Variants in QRICH2 observed in about 807,000 individuals in gnomAD.
The protein encoded by QRICH2 is glutamine-rich protein 2.
In QRICH2, 119 loss-of-function variants were observed where a neutral mutation model predicts 168.3. The ratio of observed to expected loss-of-function variants is 0.71; its 90% CI spans 0.61 to 0.82. The LOEUF is 0.82. Among genes scored for constraint, QRICH2 ranks in the 40% least tolerant of loss-of-function variants. The pLI is 0.00. For synonymous variants in QRICH2, 894 were observed against 951.2 expected (o/e 0.94, Z 1.11); for missense variants, 2,241 against 2,491.6 (o/e 0.90, Z 2.14).
In QRICH2 at chr17:76,292,876, C is replaced by T. The variant is rs1349136564; in HGVS notation, c.1851G>A (p.Gln617=). The T allele has an allele frequency of 1.2e-6, 2 of 1,602,530 alleles. No homozygotes were observed. Among genetic ancestry groups the T allele is most frequent in the African/African-American group, 3.0e-5 (2 of 65,708 alleles). Residue 617 remains glutamine (Q), a synonymous_variant, in exon 4 of 19, where the codon CAG becomes CAA. Coordinates refer to ENST00000680821, the MANE Select transcript of QRICH2 (RefSeq NM_001388453.1). ...QSGLAQPGAD[Q]RGLVWPGMDQ... is the part of the protein sequence containing the mutation. The stretch of plus-strand genomic sequence containing the variant: ...CCATTCCAGGCCAGACCAAACCACG[C>T]TGATCTGCACCAGGTTGGGCCAAAC...
In QRICH2 at chr17:76,284,058, C is replaced by T. The variant is rs1157212118; in HGVS notation, c.4012-1943G>A. Among the ~76,000 whole-genome samples, 3 of 138,564 alleles carry T rather than the reference C, an allele frequency of 2.2e-5. No individual in the cohort carries two copies. In the East Asian group the frequency reaches 5.9e-4, roughly 27 times the overall value. The allele number at this position is 138,564 out of a possible 152,430, so 90.9% of individuals were successfully genotyped here. ...CGGTGTGCACCTGTAGTCCCAGCTA[C>T]CCAGGAGTCTGAGATAGGAGAATCA... On this transcript the variant is annotated intron_variant, in intron 7 of 18. Transcript: ENST00000680821.
chr17:76,287,507 AAG>A (rs1162583501), intron 6 of QRICH2, among the ~76,000 whole-genome samples: 1 of 152,094 alleles, frequency 6.6e-6, no homozygotes, highest in Non-Finnish European at 1.5e-5. Flanking sequence ...GGGCACTGCA[AAG>A]AGAGAGCTCA....
intron 7 of QRICH2, among the ~76,000 whole-genome samples, chr17:76,283,229 C>T (rs2070821277): frequency 6.6e-6 from 1 of 152,158 alleles, no homozygotes; most frequent in Non-Finnish European, 1.5e-5. Context: ...GAAGAGGCCT[C>T]CTAGAAAAAT....
intron 3 of QRICH2, among the ~76,000 whole-genome samples, chr17:76,294,630 T>C (rs2070765337): frequency 6.6e-6 from 1 of 151,530 alleles, no homozygotes; most frequent in Non-Finnish European, 1.5e-5. Flanking sequence ...CTGGCCAACA[T>C]GGCAAAACCC....
Position 76,304,869 on chromosome 17 carries a change from T to C in QRICH2, c.594+13A>G. 6.3e-7 allele frequency: 1 copy of C among 1,596,726 alleles called. No homozygotes were observed. The highest frequency in any genetic ancestry group is 8.6e-7 in the Non-Finnish European group (1 of 1,164,172). On this transcript the variant is annotated intron_variant, in intron 2 of 18. Coordinates refer to ENST00000680821, the MANE Select transcript of QRICH2 (RefSeq NM_001388453.1). Reference sequence around the variant, plus strand: ...CCTGGAGAGCCCTTTCCCATGGAACTGGCTGGTATTACCAGGAATTGCTCC... The same window carrying C: ...CCTGGAGAGCCCTTTCCCATGGAACCGGCTGGTATTACCAGGAATTGCTCC...
chr17:76,306,198 A>G (rs1460933393), intron 1 of QRICH2, among the ~76,000 whole-genome samples: 1 of 150,530 alleles, frequency 6.6e-6, no homozygotes, highest in Non-Finnish European at 1.5e-5. Context: ...AAAAAACCCA[A>G]AAAAATTAAA....
intron 7 of QRICH2, among the ~76,000 whole-genome samples, chr17:76,284,707 G>T (rs941122101): frequency 4.6e-5 from 7 of 151,424 alleles, no homozygotes; most frequent in Non-Finnish European, 7.4e-5. Context: ...AATCCCAGCT[G>T]CTTGGGAGGC....
rs778066705 is a variant in QRICH2 at position 76,292,875 on chromosome 17, G to A, written c.1852C>T (p.Arg618Cys). Reference protein sequence around the residue: ...SGLAQPGADQRGLVWPGMDQS... With the variant: ...SGLAQPGADQCGLVWPGMDQS... The stretch of plus-strand genomic sequence containing the variant: ...TCCATTCCAGGCCAGACCAAACCAC[G>A]CTGATCTGCACCAGGTTGGGCCAAA... Residue 618 changes from arginine to cysteine, a missense_variant, in exon 4 of 19, where the codon CGT (arginine) becomes TGT (cysteine). Physicochemically the swap from Arg to Cys is radical, Grantham distance 180. This residue lies in a region of QRICH2 where 2,047 missense variants were observed against 2,303.8 expected (regional missense o/e 0.89). Transcript: ENST00000680821. 90 of 1,601,196 alleles carry A rather than the reference G, an allele frequency of 5.6e-5. No homozygotes were observed. Among genetic ancestry groups the A allele is most frequent in the Non-Finnish European group, 7.1e-5 (84 of 1,179,180 alleles).
Position 76,274,101 on chromosome 17 carries a change from G to A in QRICH2, c.5642C>T (p.Pro1881Leu), listed in dbSNP as rs751541665. Reference sequence around the variant, plus strand: ...CGCTCACTGAGCGGTGCTGGACCGCGGCCCCCGCGTGGGCTCCTCGAGCCC... The same window carrying A: ...CGCTCACTGAGCGGTGCTGGACCGCAGCCCCCGCGTGGGCTCCTCGAGCCC... ...GEGLEEPTRGPRSSTAQ is the reference protein window; with the variant it reads ...GEGLEEPTRGLRSSTAQ The change falls in exon 19 of 19, where the codon CCG becomes CTG. Residue 1881 changes from proline to leucine, a missense_variant. By Grantham distance (98) the Pro-to-Leu change is moderately conservative (BLOSUM62 -3). Coordinates refer to ENST00000680821, the MANE Select transcript of QRICH2 (RefSeq NM_001388453.1). The A allele has an allele frequency of 4.1e-5, 64 of 1,579,968 alleles. No individual in the cohort carries two copies. Among genetic ancestry groups the A allele is most frequent in the Middle Eastern group, 3.3e-4 (2 of 5,982 alleles).
At chr17:76,298,686 G>C (rs990326558) in intron 3 of QRICH2, among the ~76,000 whole-genome samples, 1 of 151,564 alleles carries the variant, frequency 6.6e-6, no homozygotes, top group Non-Finnish European at 1.5e-5. Flanking sequence ...CGCGATCTCG[G>C]CTCACTGCAA....
Position 76,292,829 on chromosome 17 carries a change from G to T in QRICH2, c.1898C>A (p.Pro633His). The change falls in exon 4 of 19, where the codon CCT becomes CAT. Residue 633 changes from proline to histidine, a missense_variant. Pro to His is a moderately conservative substitution (Grantham distance 77, BLOSUM62 -2). Around this residue, in one of 3 missense-constraint regions of QRICH2, gnomAD observed 2,047 missense variants for 2,303.8 expected, o/e 0.89. Transcript: ENST00000680821. ...GATCAAACCATGCTGATCTCTACCA[G>T]GTTGGGCCAAACCAGACTGATCCAT... is the stretch of plus-strand genomic sequence containing the variant. ...PGMDQSGLAQ[P>H]GRDQHGLIQP... The T allele has an allele frequency of 6.2e-7, 1 of 1,603,492 alleles. No individual in the cohort carries two copies. Among genetic ancestry groups the T allele is most frequent in the Non-Finnish European group, 8.5e-7 (1 of 1,179,672 alleles).
chr17:76,298,885 G>T (rs547327598), intron 3 of QRICH2, among the ~76,000 whole-genome samples: 9 of 152,266 alleles, frequency 5.9e-5, no homozygotes, highest in Non-Finnish European at 1.3e-4. Flanking sequence ...CAAAGTGCTG[G>T]AATTATAGGT....
chr17:76,307,376 C>T lies in QRICH2; in HGVS notation c.534+89G>A, dbSNP rs1180390822. On this transcript the variant is annotated intron_variant, in intron 1 of 18. Coordinates refer to ENST00000680821, the MANE Select transcript of QRICH2 (RefSeq NM_001388453.1). The surrounding 1 kb of genome is among the most constrained non-coding windows in gnomAD (Gnocchi z 5.3). ...TCCCCTCCGTCCCCACCACCGCTCA[C>T]CCCTCCAGGGTGGTGGGGACTCGGC... 6.3e-6 allele frequency: 9 copies of T among 1,418,184 alleles called. No individual in the cohort carries two copies. The Admixed American group carries it at 1.0e-4, about 16-fold the overall frequency. 87.9% of individuals were successfully genotyped at this position (1,418,184 alleles called of 1,614,324 possible).
At chr17:76,305,012 C>A in intron 1 of QRICH2, 71 bp from the exon 2 acceptor site, 1 of 970,656 alleles carries the variant, frequency 1.0e-6, no homozygotes, top group South Asian at 1.3e-5. Context: ...CACACACACA[C>A]AGATGCGCAC....
At chr17:76,309,820 T>C (rs1439555490), upstream of QRICH2, 1 of 152,234 alleles carries the variant, frequency 6.6e-6, no homozygotes. Flanking sequence ...CACCCATGGA[T>C]TGTAAGGAAT....
chr17:76,277,457 G>T (rs537516383), intron 15 of QRICH2, 147 bp from the exon 16 acceptor site: 1 of 942,364 alleles, frequency 1.1e-6, no homozygotes, highest in South Asian at 1.5e-5. Flanking sequence ...GCCCAGAACA[G>T]GCGGGCGGGG....
chr17:76,277,310 C>T lies in QRICH2; in HGVS notation c.5118G>A (p.Arg1706=). The T allele has an allele frequency of 6.2e-7, 1 of 1,609,398 alleles. No individual in the cohort carries two copies. Among genetic ancestry groups the T allele is most frequent in the East Asian group, 2.3e-5 (1 of 44,336 alleles). ...AGGTGTAATCAGCCATATCTGTCAC[C>T]CTGTGATGAAGACAGGATGGAGTCA... ...AQCLGSPCYK[R]VTDMADYTYS... is the part of the protein sequence containing the mutation. Residue 1706 remains arginine (R), a splice_region_variant and synonymous_variant, in exon 16 of 19, where the codon CGG becomes CGA. Coordinates refer to ENST00000680821, the MANE Select transcript of QRICH2 (RefSeq NM_001388453.1).
At position 76,277,972 on chromosome 17, in the gene QRICH2, G is replaced by A. The variant is rs750562300; in HGVS notation, c.5117+17C>T. 5.0e-6 allele frequency: 8 copies of A among 1,605,066 alleles called. No individual in the cohort carries two copies. The South Asian group carries it at 6.6e-5, about 13-fold the overall frequency. ...ACTGGGTGCCTGCTCCCATGGCCTC[G>A]CCCGCCTCTCCTGTACCGTTTGTAG... On this transcript the variant is annotated intron_variant, in intron 15 of 18. Coordinates refer to ENST00000680821, the MANE Select transcript of QRICH2 (RefSeq NM_001388453.1).
Position 76,274,130 on chromosome 17 carries a change from C to G in QRICH2, c.5613G>C (p.Gly1871=), listed in dbSNP as rs781660579. The G allele has an allele frequency of 6.3e-7, 1 of 1,590,774 alleles. No homozygotes were observed. The highest frequency in any genetic ancestry group is 1.4e-5 in the African/African-American group (1 of 73,104). Residue 1871 remains glycine, a synonymous_variant, in exon 19 of 19, where the codon GGG becomes GGC. Coordinates refer to ENST00000680821, the MANE Select transcript of QRICH2 (RefSeq NM_001388453.1). The part of the protein sequence containing the change: ...GLERHVDMPP[G]EGLEEPTRGP... Reference sequence around the variant, plus strand: ...CCCGCGTGGGCTCCTCGAGCCCCTCCCCAGGAGGCATGTCCACGTGCCTCT... The same window carrying G: ...CCCGCGTGGGCTCCTCGAGCCCCTCGCCAGGAGGCATGTCCACGTGCCTCT...
Sources: gnomAD v4.1 joint callset for allele counts (sites outside exome capture counted in the v4.1 genomes callset) on GRCh38, gnomAD v4.1.1 for gene constraint, gnomAD v4.1.1 regional missense constraint, Gnocchi (gnomAD v3.1) non-coding constraint, MANE v1.5 for transcripts, NCBI Gene and HGNC (gene_info 2026-07-23, HGNC 2026-07-21) for gene names.